Variants in CACNG7 observed in about 807,000 individuals in gnomAD.
The protein encoded by CACNG7 is voltage-dependent calcium channel gamma-7 subunit.
In CACNG7, 9 loss-of-function variants were observed where a neutral mutation model predicts 26.3. The ratio of observed to expected loss-of-function variants is 0.34; its 90% CI spans 0.21 to 0.60. CACNG7 has a LOEUF of 0.60. Among genes scored for constraint, CACNG7 ranks in the 20% least tolerant of loss-of-function variants. The pLI is 0.81. For missense variants in CACNG7, 297 were observed against 380.4 expected (o/e 0.78, Z 1.82); for synonymous variants, 170 against 157.0 (o/e 1.08, Z -0.62).
intron 4 of CACNG7, among the ~76,000 whole-genome samples, chr19:53,922,876 GAC>G (rs2068974522): frequency 2.8e-5 from 2 of 71,712 alleles, no homozygotes; most frequent in South Asian, 5.3e-4. Flanking sequence ...TGGTGGAGTT[GAC>G]TCAGGCTGGT....
At chr19:53,911,260 T>A (rs985351720) in intron 1 of CACNG7, among the ~76,000 whole-genome samples, 7 of 152,134 alleles carry the variant, frequency 4.6e-5, no homozygotes, top group Admixed American at 4.6e-4. Flanking sequence ...GAGACAAGGT[T>A]TCACCATGTT....
At chr19:53,923,233 T>C (rs1474755890) in intron 4 of CACNG7, among the ~76,000 whole-genome samples, 1 of 43,366 alleles carries the variant, frequency 2.3e-5, no homozygotes, top group Non-Finnish European at 3.9e-5. Flanking sequence ...TTGCCCCAGG[T>C]CTGGTCATTG....
chr19:53,935,071 C>T (rs187021599), intron 4 of CACNG7, among the ~76,000 whole-genome samples: 43 of 149,664 alleles, frequency 2.9e-4, no homozygotes, highest in Admixed American at 8.6e-4. Context: ...TGTATACACA[C>T]GTTATATATA....
intron 4 of CACNG7, among the ~76,000 whole-genome samples, chr19:53,925,218 C>A (rs1276596473): frequency 7.2e-6 from 1 of 139,428 alleles, no homozygotes; most frequent in Non-Finnish European, 1.5e-5. Context: ...TTGCCCCAGG[C>A]TGGTCATTGG....
At chr19:53,926,591 C>G (rs1395253702) in intron 4 of CACNG7, among the ~76,000 whole-genome samples, 1 of 151,910 alleles carries the variant, frequency 6.6e-6, no homozygotes, top group African/African-American at 2.4e-5. Context: ...TGTTTTTTGT[C>G]TTCTTGTATC....
At chr19:53,920,999 CTGGTCATTGGTGGAGTTGCCCCAGG>C (rs2068943587) in intron 4 of CACNG7, among the ~76,000 whole-genome samples, 1 of 65,886 alleles carries the variant, frequency 1.5e-5, no homozygotes, top group African/African-American at 1.2e-4. Flanking sequence ...TTGCCCCAGG[CTGGTCATTGGTGGAGTTGCCCCAGG>C]CTGGTCATTG....
At position 53,935,634 on chromosome 19, in the gene CACNG7, C is replaced by CTT. The variant is rs59884893; in HGVS notation, c.425-5814_425-5813dup. 3.2e-3 allele frequency among the ~76,000 whole-genome samples: 137 copies of CTT among 42,236 alleles called. 3 individuals are homozygous for CTT. The highest frequency in any genetic ancestry group is 3.7e-3 in the Non-Finnish European group (96 of 26,026). The allele number at this position is 42,236 out of a possible 152,430, so 27.7% of individuals were successfully genotyped here. A position where few individuals can be genotyped will look rare whatever the true frequency, so the allele number is the denominator to read the frequency against. On this transcript the variant is annotated intron_variant, in intron 4 of 5. Transcript: ENST00000391767. ...CACCGCCCCCACCCTCCAATACTGT[C>CTT]TTTTTTTTTTTTTTTTTTTTTTTGA... is the stretch of plus-strand genomic sequence containing the variant.
intron 4 of CACNG7, among the ~76,000 whole-genome samples, chr19:53,931,032 C>T (rs2069068360): frequency 6.6e-6 from 1 of 151,408 alleles, no homozygotes; most frequent in African/African-American, 2.4e-5. Flanking sequence ...CCCGTCTCTC[C>T]AAAAATTACC....
Position 53,912,702 on chromosome 19 carries a change from G to T in CACNG7, c.-29-101G>T. 1 of 896,734 alleles carries T rather than the reference G, an allele frequency of 1.1e-6. No individual in the cohort carries two copies. The highest frequency in any genetic ancestry group is 1.8e-6 in the Non-Finnish European group (1 of 569,046). The allele number at this position is 896,734 out of a possible 1,614,324, so 55.5% of individuals were successfully genotyped here. A position where few individuals can be genotyped will look rare whatever the true frequency, so the allele number is the denominator to read the frequency against. On this transcript the variant is annotated intron_variant, in intron 1 of 5. Transcript: ENST00000391767. This position sits in a 1 kb window ranked among gnomAD's most constrained non-coding sequence, Gnocchi z 4.6. ...TCAGATCTGAGATTTCGATTTGGGAGTCAGTGTCTCTGGCTAGGGCCCAGC... is the reference window on the plus strand; with the variant it reads ...TCAGATCTGAGATTTCGATTTGGGATTCAGTGTCTCTGGCTAGGGCCCAGC...
chr19:53,941,216 A>C (rs1037596152), intron 4 of CACNG7, among the ~76,000 whole-genome samples: 9 of 152,116 alleles, frequency 5.9e-5, no homozygotes, highest in Non-Finnish European at 1.2e-4. Flanking sequence ...TATGTGACTT[A>C]ATCAGTGTGT....
rs1246181553 is a variant in CACNG7, at chr19:53,912,224, C to T, written c.-29-579C>T. Among the ~76,000 whole-genome samples the T allele has an allele frequency of 4.6e-5, 7 of 152,010 alleles. No homozygotes were observed. The highest frequency in any genetic ancestry group is 3.9e-4 in the Admixed American group (6 of 15,254). ...CTTGTTGGAGTCTGGTGTTCACAAC[C>T]GGGGGCTTCGATCGTCACACAGAGA... On this transcript the variant is annotated intron_variant, in intron 1 of 5. Transcript: ENST00000391767. The surrounding 1 kb of genome is among the most constrained non-coding windows in gnomAD (Gnocchi z 4.6).
At chr19:53,917,117 G>A (rs2068903927) in intron 4 of CACNG7, among the ~76,000 whole-genome samples, 1 of 151,878 alleles carries the variant, frequency 6.6e-6, no homozygotes, top group African/African-American at 2.4e-5. Flanking sequence ...TTTCTTGAGT[G>A]TTACTCTCCT....
In CACNG7 at chr19:53,942,075, T is replaced by C. The variant is rs773849868; in HGVS notation, c.610T>C (p.Tyr204His). Residue 204 changes from tyrosine to histidine, a missense_variant, in exon 6 of 6, where the codon TAC becomes CAC. By Grantham distance (83) the Tyr-to-His change is moderately conservative. Transcript: ENST00000391767. This position sits in a 1 kb window ranked among gnomAD's most constrained non-coding sequence, Gnocchi z 5.9. Reference sequence around the variant, plus strand: ...GTCCGTGTACCTGTTCACCAAGCGCTACGCGGAGGAGGAGATGTACCGTCC... The same window carrying C: ...GTCCGTGTACCTGTTCACCAAGCGCCACGCGGAGGAGGAGATGTACCGTCC... The part of the protein sequence containing the change: ...VMSVYLFTKR[Y>H]AEEEMYRPHP... 1.9e-6 allele frequency: 3 copies of C among 1,613,310 alleles called. No individual in the cohort carries two copies. The East Asian group carries it at 6.7e-5, about 36-fold the overall frequency.
At position 53,924,614 on chromosome 19, in the gene CACNG7, G is replaced by A. The variant is rs2069006772; in HGVS notation, c.424+9109G>A. ...GTCATTGGTGGAGTTGCCCAGGCTG[G>A]TCATTGGTGGACTTGCCCCAGGCTG... On this transcript the variant is annotated intron_variant, in intron 4 of 5. Transcript: ENST00000391767. Among the ~76,000 whole-genome samples, 4 of 145,054 alleles carry A rather than the reference G, an allele frequency of 2.8e-5. No individual in the cohort carries two copies. In the Admixed American group the frequency reaches 2.8e-4, roughly 10 times the overall value.
rs182430209 is a variant in CACNG7, at chr19:53,913,420, G to C, written c.196+393G>C. ...GAGTATCCCTTGAGCTCAGGAGTTT[G>C]AGACCAGCCTGGCCGACATGGTGAA... On this transcript the variant is annotated intron_variant, in intron 2 of 5. Transcript: ENST00000391767. Among the ~76,000 whole-genome samples, 204 of 152,128 alleles carry C rather than the reference G, an allele frequency of 1.3e-3. 2 individuals carry two copies. The highest frequency in any genetic ancestry group is 4.3e-3 in the African/African-American group (178 of 41,510).
intron 4 of CACNG7, among the ~76,000 whole-genome samples, chr19:53,935,980 A>G (rs60646544): frequency 0.017 from 2,619 of 150,680 alleles, 82 homozygotes; most frequent in African/African-American, 0.06. Flanking sequence ...CTGATTCAGA[A>G]TCCAATCTAA....
At chr19:53,910,224 G>A (rs2068853849) in intron 1 of CACNG7, among the ~76,000 whole-genome samples, 1 of 152,126 alleles carries the variant, frequency 6.6e-6, no homozygotes, top group South Asian at 2.1e-4. Context: ...CAGGGTGATG[G>A]TGCCCGTTTC....
intron 4 of CACNG7, among the ~76,000 whole-genome samples, chr19:53,935,932 CG>C (rs1223363626): frequency 6.6e-6 from 1 of 152,032 alleles, no homozygotes; most frequent in African/African-American, 2.4e-5. Context: ...TGAACCACCA[CG>C]CCTGGCCTAA....
intron 4 of CACNG7, among the ~76,000 whole-genome samples, chr19:53,920,748 G>C (rs1345040058): frequency 8.7e-5 from 9 of 102,934 alleles, no homozygotes; most frequent in South Asian, 3.2e-4. Flanking sequence ...CATTGGTGGA[G>C]TTGCCCCAGG....
Sources: gnomAD v4.1 joint callset for allele counts (sites outside exome capture counted in the v4.1 genomes callset) on GRCh38, gnomAD v4.1.1 for gene constraint, Gnocchi (gnomAD v3.1) non-coding constraint, MANE v1.5 for transcripts, NCBI Gene and HGNC (gene_info 2026-07-23, HGNC 2026-07-21) for gene names.